The following SLC25A21 variants were observed in gnomAD, a reference collection of about 807,000 sequenced individuals.
SLC25A21 encodes mitochondrial 2-oxodicarboxylate carrier.
SLC25A21 carries 47 observed loss-of-function variants against 43.8 expected under a neutral mutation model. The observed-to-expected ratio is 1.07, with a 90% confidence interval of 0.85 to 1.37. SLC25A21 has a LOEUF of 1.37. Among genes scored for constraint, SLC25A21 ranks in the 40% most tolerant of loss-of-function variants. The pLI is 0.00. For missense variants in SLC25A21, 352 were observed against 350.2 expected (o/e 1.00, Z -0.04); for synonymous variants, 131 against 121.3 (o/e 1.08, Z -0.52).
intron 2 of SLC25A21, among the ~76,000 whole-genome samples, chr14:36,844,957 T>C (rs1311319497): frequency 2.6e-5 from 4 of 152,234 alleles, no homozygotes; most frequent in Admixed American, 2.6e-4. Flanking sequence ...ATATTCCATA[T>C]GCCAAAATCC....
Position 36,837,983 on chromosome 14 carries a change from G to A in SLC25A21, c.120-23982C>T, listed in dbSNP as rs866062609. The stretch of plus-strand genomic sequence containing the variant: ...GAACCAAGTCATCACCACAGAGCCC[G>A]TGGAAGTGATTATAGCTACAGGTTT... On this transcript the variant is annotated intron_variant, in intron 2 of 9. Transcript: ENST00000331299. Among the ~76,000 whole-genome samples, 9 of 152,190 alleles carry A rather than the reference G, an allele frequency of 5.9e-5. No individual in the cohort carries two copies. In the South Asian group the frequency reaches 1.0e-3, roughly 18 times the overall value.
In SLC25A21 at chr14:36,860,425, C is replaced by A. The variant is rs543646333; in HGVS notation, c.119+14531G>T. 7.2e-5 allele frequency among the ~76,000 whole-genome samples: 11 copies of A among 152,318 alleles called. No individual in the cohort carries two copies. In the South Asian group the frequency reaches 2.1e-3, roughly 29 times the overall value. Reference sequence around the variant, plus strand: ...CAGTTTCCAGGTTGGGGAGTGAAGTCCCAGAGCAGCTCCATTGACTTGCAC... The same window carrying A: ...CAGTTTCCAGGTTGGGGAGTGAAGTACCAGAGCAGCTCCATTGACTTGCAC... On this transcript the variant is annotated intron_variant, in intron 2 of 9. Transcript: ENST00000331299.
At chr14:36,812,950 A>G (rs1451221038) in intron 3 of SLC25A21, among the ~76,000 whole-genome samples, 1 of 152,214 alleles carries the variant, frequency 6.6e-6, no homozygotes, top group African/African-American at 2.4e-5. Context: ...AATAGAAGCT[A>G]AATATATACT....
At chr14:36,907,263 G>T (rs1398969771) in intron 1 of SLC25A21, among the ~76,000 whole-genome samples, 3 of 152,104 alleles carry the variant, frequency 2.0e-5, no homozygotes, top group African/African-American at 4.8e-5. Flanking sequence ...AGTGTAAGAT[G>T]TGTGCAAGGT....
intron 1 of SLC25A21, among the ~76,000 whole-genome samples, chr14:37,098,742 TAGATAGAC>T (rs1413201054): frequency 0.01 from 90 of 8,636 alleles, 1 homozygote; most frequent in Middle Eastern, 0.1. Flanking sequence ...GATAGATAGA[TAGATAGAC>T]AGACAGACAG....
At chr14:36,697,703 G>C (rs947209197) in intron 7 of SLC25A21, among the ~76,000 whole-genome samples, 1 of 148,184 alleles carries the variant, frequency 6.7e-6, no homozygotes, top group South Asian at 2.1e-4. Context: ...TTGGTTCAAA[G>C]TCTGTTTTAT....
intron 1 of SLC25A21, among the ~76,000 whole-genome samples, chr14:37,022,860 TC>T (rs1961016289): frequency 6.6e-6 from 1 of 152,016 alleles, no homozygotes; most frequent in South Asian, 2.1e-4. Context: ...ACAATCGTCT[TC>T]AAGCAAGCAC....
chr14:37,166,543 G>A (rs1964033275), intron 1 of SLC25A21, among the ~76,000 whole-genome samples: 1 of 152,204 alleles, frequency 6.6e-6, no homozygotes, highest in Non-Finnish European at 1.5e-5. Context: ...TGCTTGCCTT[G>A]TGAAGTTGTG....
At chr14:36,894,180 G>T (rs1891170151) in intron 1 of SLC25A21, among the ~76,000 whole-genome samples, 1 of 152,144 alleles carries the variant, frequency 6.6e-6, no homozygotes, top group Admixed American at 6.6e-5. Context: ...AGCATGGAAT[G>T]TTCTTCCATT....
intron 3 of SLC25A21, chr14:36,808,760 A>G (rs1279421614): frequency 6.6e-6 from 1 of 152,198 alleles, no homozygotes; most frequent in Non-Finnish European, 1.5e-5. Context: ...AAAAAATTCT[A>G]GCATAGTTCA....
At chr14:36,998,811 CAT>C (rs748933689) in intron 1 of SLC25A21, among the ~76,000 whole-genome samples, 6 of 151,850 alleles carry the variant, frequency 4.0e-5, no homozygotes, top group Non-Finnish European at 8.8e-5. Context: ...TGTCCCACAC[CAT>C]ATGTCATTGG....
intron 7 of SLC25A21, among the ~76,000 whole-genome samples, chr14:36,698,424 G>T (rs929319793): frequency 6.6e-6 from 1 of 152,108 alleles, no homozygotes; most frequent in African/African-American, 2.4e-5. Flanking sequence ...TATTTTTGTG[G>T]TGTTCTCTGT....
At chr14:37,080,483 C>T (rs1594783490) in intron 1 of SLC25A21, among the ~76,000 whole-genome samples, 1 of 152,186 alleles carries the variant, frequency 6.6e-6, no homozygotes, top group African/African-American at 2.4e-5. Context: ...ACCTGTGTTC[C>T]CTGCTACTCA....
intron 3 of SLC25A21, among the ~76,000 whole-genome samples, chr14:36,744,756 T>G (rs1271278006): frequency 1.3e-5 from 2 of 152,112 alleles, no homozygotes; most frequent in African/African-American, 4.8e-5. Context: ...ACAATGCATA[T>G]GATAAAGTGC....
intron 1 of SLC25A21, among the ~76,000 whole-genome samples, chr14:37,136,165 T>C (rs1217222105): frequency 6.6e-6 from 1 of 152,220 alleles, no homozygotes; most frequent in African/African-American, 2.4e-5. Flanking sequence ...TCTGATCTCC[T>C]GACTGTACTC....
chr14:36,883,965 A>T (rs1408344353), intron 1 of SLC25A21, among the ~76,000 whole-genome samples: 1 of 152,200 alleles, frequency 6.6e-6, no homozygotes, highest in East Asian at 1.9e-4. Context: ...CACTTCATAT[A>T]CTTACAAACT....
At chr14:37,014,247 C>T (rs1960796802) in intron 1 of SLC25A21, among the ~76,000 whole-genome samples, 1 of 152,106 alleles carries the variant, frequency 6.6e-6, no homozygotes, top group African/African-American at 2.4e-5. Flanking sequence ...TTTTCTAATG[C>T]CTTTTGAGAC....
At chr14:37,058,717 C>T (rs1348460239) in intron 1 of SLC25A21, among the ~76,000 whole-genome samples, 1 of 152,146 alleles carries the variant, frequency 6.6e-6, no homozygotes, top group East Asian at 1.9e-4. Context: ...GGTTTGAAGG[C>T]CATAGCAAGC....
At chr14:36,843,873 G>GTCATATCTC (rs1736851107) in intron 2 of SLC25A21, among the ~76,000 whole-genome samples, 2 of 152,212 alleles carry the variant, frequency 1.3e-5, no homozygotes, top group South Asian at 4.1e-4. Context: ...GCATTCAACT[G>GTCATATCTC]TCATATCTCT....
Sources: gnomAD v4.1 joint callset for allele counts (sites outside exome capture counted in the v4.1 genomes callset) on GRCh38, gnomAD v4.1.1 for gene constraint, MANE v1.5 for transcripts, NCBI Gene and HGNC (gene_info 2026-07-23, HGNC 2026-07-21) for gene names.